The following EPHA7 variants were observed in gnomAD, a reference collection of about 807,000 sequenced individuals.
EPHA7 encodes the protein ephrin type-A receptor 7.
EPHA7 carries 25 observed loss-of-function variants against 112.6 expected under a neutral mutation model. The observed-to-expected ratio is 0.22, with a 90% CI of 0.16 to 0.31. EPHA7 has a LOEUF of 0.31. Among genes scored for constraint, EPHA7 ranks in the 10% least tolerant of loss-of-function variants. The pLI is 1.00. For synonymous variants in EPHA7, 437 were observed against 406.5 expected (o/e 1.07, Z -0.90); for missense variants, 962 against 1,212.6 (o/e 0.79, Z 3.07).
intron 5 of EPHA7, among the ~76,000 whole-genome samples, chr6:93,336,186 T>A (rs1774861920): frequency 6.6e-6 from 1 of 152,146 alleles, no homozygotes; most frequent in African/African-American, 2.4e-5. Context: ...TATATAATCA[T>A]CACATAACTT....
At chr6:93,320,015 T>A (rs1307376098) in intron 5 of EPHA7, among the ~76,000 whole-genome samples, 1 of 151,986 alleles carries the variant, frequency 6.6e-6, no homozygotes, top group Non-Finnish European at 1.5e-5. Flanking sequence ...TATTTAGGGA[T>A]AAATTGGATA....
intron 9 of EPHA7, chr6:93,260,735 T>G (rs1770648403): frequency 2.0e-6 from 2 of 983,130 alleles, no homozygotes; most frequent in Non-Finnish European, 2.4e-6. Context: ...TAAACAATTA[T>G]TGTTGCAGTT....
In EPHA7 at chr6:93,309,431, T is replaced by C. The variant is rs187731060; in HGVS notation, c.1325-37009A>G. Among the ~76,000 whole-genome samples the C allele has an allele frequency of 6.7e-3, 1,013 of 152,298 alleles. 11 individuals are homozygous for C. The highest frequency in any genetic ancestry group is 0.023 in the South Asian group (112 of 4,828). On this transcript the variant is annotated intron_variant, in intron 5 of 16. Transcript: ENST00000369303. ...TATTGTAGTCATCCAAGTTCTAAAATATTTTTGGGCACAATTTTTTTTTCA... is the reference window on the plus strand; with the variant it reads ...TATTGTAGTCATCCAAGTTCTAAAACATTTTTGGGCACAATTTTTTTTTCA...
chr6:93,354,307 T>A (rs974229060), intron 5 of EPHA7, among the ~76,000 whole-genome samples: 2 of 151,978 alleles, frequency 1.3e-5, no homozygotes, highest in Admixed American at 6.6e-5. Context: ...ACTAACACAT[T>A]CCAAATTTTC....
chr6:93,352,288 A>G (rs1775731743), intron 5 of EPHA7, among the ~76,000 whole-genome samples: 1 of 152,058 alleles, frequency 6.6e-6, no homozygotes, highest in Non-Finnish European at 1.5e-5. Context: ...TTTTTGAGTG[A>G]TCTGTTTTTA....
At chr6:93,257,974 T>C (rs1410857262) in intron 11 of EPHA7, 125 bp downstream of exon 11, 1 of 916,294 alleles carries the variant, frequency 1.1e-6, no homozygotes, top group Non-Finnish European at 1.6e-6. Context: ...ATTAGTTACA[T>C]ACCAAGAAAA....
intron 5 of EPHA7, among the ~76,000 whole-genome samples, chr6:93,348,134 T>C (rs112023818): frequency 0.023 from 3,434 of 151,814 alleles, 47 homozygotes; most frequent in Middle Eastern, 0.044. Flanking sequence ...AAGGATAGTT[T>C]TGACAACTCA....
At chr6:93,332,295 T>C (rs1391747512) in intron 5 of EPHA7, among the ~76,000 whole-genome samples, 1 of 151,566 alleles carries the variant, frequency 6.6e-6, no homozygotes, top group East Asian at 1.9e-4. Context: ...AATAATTTGA[T>C]AAAAATGTTA....
rs1474096940 is a variant in EPHA7 at position 93,404,937 on chromosome 6, A to G, written c.832+5564T>C. 7.9e-5 allele frequency among the ~76,000 whole-genome samples: 12 copies of G among 151,898 alleles called. 1 individual carries two copies. The highest frequency in any genetic ancestry group is 4.6e-4 in the Admixed American group (7 of 15,226). ...CCACTTACTACTGCTATAGTACCTG[A>G]GCCCTGTGTTTATACATAAACAAAC... On this transcript the variant is annotated intron_variant, in intron 3 of 16. Coordinates refer to ENST00000369303, the MANE Select transcript of EPHA7 (RefSeq NM_004440.4).
rs2127947028 is a variant in EPHA7 at position 93,358,384 on chromosome 6, G to A, written c.860C>T (p.Ser287Phe). ...ACGAGAGCACTGAAGATCTTGAGAGGAAGACTTGTAGAACCCACGGCCACA... is the reference window on the plus strand; with the variant it reads ...ACGAGAGCACTGAAGATCTTGAGAGAAAGACTTGTAGAACCCACGGCCACA... ...EPCGRGFYKSSSQDLQCSRCP... is the reference protein window; with the variant it reads ...EPCGRGFYKSFSQDLQCSRCP... The change falls in exon 4 of 17, where the codon TCC becomes TTC. Residue 287 changes from serine (S) to phenylalanine (F), a missense_variant. Physicochemically the swap from Ser to Phe is radical, Grantham distance 155. Around this residue, in one of 3 missense-constraint regions of EPHA7, gnomAD observed 746 missense variants for 889.2 expected, o/e 0.84. Coordinates refer to ENST00000369303, the MANE Select transcript of EPHA7 (RefSeq NM_004440.4). The A allele has an allele frequency of 1.2e-6, 2 of 1,611,696 alleles. No homozygotes were observed. Among genetic ancestry groups the A allele is most frequent in the Non-Finnish European group, 1.7e-6 (2 of 1,178,612 alleles).
At chr6:93,344,271 C>A (rs1775282632) in intron 5 of EPHA7, among the ~76,000 whole-genome samples, 1 of 151,426 alleles carries the variant, frequency 6.6e-6, no homozygotes, top group African/African-American at 2.4e-5. Flanking sequence ...CAATTAACAT[C>A]TTTCTTTTTA....
chr6:93,405,000 G>A (rs573214070), intron 3 of EPHA7, among the ~76,000 whole-genome samples: 1 of 151,892 alleles, frequency 6.6e-6, no homozygotes, highest in South Asian at 2.1e-4. Context: ...TACAATTCAA[G>A]TTGTCTTTAT....
chr6:93,271,955 A>G (rs1388209391), intron 6 of EPHA7, among the ~76,000 whole-genome samples: 1 of 151,880 alleles, frequency 6.6e-6, no homozygotes, highest in East Asian at 1.9e-4. Flanking sequence ...CAGACATACT[A>G]AAGAAAATAT....
intron 3 of EPHA7, among the ~76,000 whole-genome samples, chr6:93,383,162 T>C (rs113770486): frequency 0.011 from 1,707 of 152,184 alleles, 25 homozygotes; most frequent in African/African-American, 0.039. Flanking sequence ...ATTTATTTTG[T>C]TCCAAGGACA....
intron 13 of EPHA7, 111 bp from the exon 14 acceptor site, chr6:93,254,907 G>C (rs183561325): frequency 4.0e-6 from 3 of 759,120 alleles, no homozygotes; most frequent in Non-Finnish European, 6.1e-6. Flanking sequence ...AGCAGCATCA[G>C]GTCTACCCAT....
intron 5 of EPHA7, among the ~76,000 whole-genome samples, chr6:93,354,934 A>G (rs1775869206): frequency 6.6e-6 from 1 of 152,164 alleles, no homozygotes; most frequent in African/African-American, 2.4e-5. Flanking sequence ...CAGGAATAAA[A>G]GAATGTCATT....
rs1214746243 is a variant in EPHA7 at position 93,411,070 on chromosome 6, T to G, written c.263A>C (p.Asn88Thr). ...EPNQNNWLRT[N>T]WISKGNAQRI... Reference sequence around the variant, plus strand: ...TTGTGCATTGCCTTTGGAAATCCAGTTAGTCCGCAGCCAGTTGTTTTGGTT... The same window carrying G: ...TTGTGCATTGCCTTTGGAAATCCAGGTAGTCCGCAGCCAGTTGTTTTGGTT... The change falls in exon 3 of 17, where the codon AAC becomes ACC. Residue 88 changes from asparagine to threonine, a missense_variant. Asn to Thr is a moderately conservative substitution (Grantham distance 65). Coordinates refer to ENST00000369303, the MANE Select transcript of EPHA7 (RefSeq NM_004440.4). 1.2e-6 allele frequency: 2 copies of G among 1,613,896 alleles called. No individual in the cohort carries two copies. Among genetic ancestry groups the G allele is most frequent in the African/African-American group, 2.7e-5 (2 of 74,930 alleles).
intron 5 of EPHA7, among the ~76,000 whole-genome samples, chr6:93,296,682 C>T (rs901416228): frequency 4.0e-5 from 6 of 151,210 alleles, no homozygotes; most frequent in Middle Eastern, 3.2e-3. Flanking sequence ...TAATGGTTAC[C>T]AGGGATAAGA....
intron 3 of EPHA7, among the ~76,000 whole-genome samples, chr6:93,400,843 G>A (rs1778405154): frequency 6.6e-6 from 1 of 151,982 alleles, no homozygotes; most frequent in Non-Finnish European, 1.5e-5. Flanking sequence ...TACCAAGAAT[G>A]ATTTCTTTAA....
Sources: gnomAD v4.1 joint callset for allele counts (sites outside exome capture counted in the v4.1 genomes callset) on GRCh38, gnomAD v4.1.1 for gene constraint, gnomAD v4.1.1 regional missense constraint, MANE v1.5 for transcripts, NCBI Gene and HGNC (gene_info 2026-07-23, HGNC 2026-07-21) for gene names.